Variants in NIBAN1 observed in about 807,000 individuals in gnomAD.
NIBAN1 encodes niban apoptosis regulator 1.
In NIBAN1, 81 loss-of-function variants were observed where a neutral mutation model predicts 75.1. The observed-to-expected ratio is 1.08, with a 90% CI of 0.90 to 1.30. The LOEUF (loss-of-function observed/expected upper bound fraction) is 1.30. NIBAN1 is among the 50% of genes most tolerant of loss of function. NIBAN1 has a pLI of 0.00. For synonymous variants in NIBAN1, 436 were observed against 424.8 expected (o/e 1.03, Z -0.32); for missense variants, 1,133 against 1,128.1 (o/e 1.00, Z -0.06).
chr1:184,829,794 A>G (rs1654948158), intron 6 of NIBAN1, among the ~76,000 whole-genome samples: 1 of 152,124 alleles, frequency 6.6e-6, no homozygotes, highest in Admixed American at 6.6e-5. Context: ...GGCATCATGG[A>G]GGAATGTAAG....
intron 1 of NIBAN1, among the ~76,000 whole-genome samples, chr1:184,916,814 C>A (rs1185108112): frequency 6.6e-6 from 1 of 152,046 alleles, no homozygotes; most frequent in African/African-American, 2.4e-5. Flanking sequence ...CTCGTTTAAA[C>A]CTGCTTATTC....
At chr1:184,944,475 T>G (rs2102054282) in intron 1 of NIBAN1, among the ~76,000 whole-genome samples, 1 of 152,356 alleles carries the variant, frequency 6.6e-6, no homozygotes, top group Non-Finnish European at 1.5e-5. Flanking sequence ...ATTGGGAAAG[T>G]GAACAGCTAA....
chr1:184,851,874 C>T (rs1476637753), intron 5 of NIBAN1, among the ~76,000 whole-genome samples: 2 of 150,246 alleles, frequency 1.3e-5, no homozygotes, highest in Non-Finnish European at 2.9e-5. Context: ...CTCTTATGAC[C>T]ATGGTTGATA....
chr1:184,823,165 A>T lies in NIBAN1; in HGVS notation c.985+2T>A. The T allele has an allele frequency of 6.2e-7, 1 of 1,613,942 alleles. No individual in the cohort carries two copies. The highest frequency in any genetic ancestry group is 8.5e-7 in the Non-Finnish European group (1 of 1,179,922). On this transcript the variant is annotated splice_donor_variant, in intron 8 of 13. Transcript: ENST00000367511. LOFTEE classifies it high-confidence loss of function. ...GTAAGAGCATGGATTATCTCTACTGACCTTTGATCTTTCCAATTAAATAGT... is the reference window on the plus strand; with the variant it reads ...GTAAGAGCATGGATTATCTCTACTGTCCTTTGATCTTTCCAATTAAATAGT...
chr1:184,892,923 C>T (rs1430717409), intron 3 of NIBAN1, among the ~76,000 whole-genome samples: 1 of 152,100 alleles, frequency 6.6e-6, no homozygotes, highest in East Asian at 1.9e-4. Flanking sequence ...AGGCATGCAC[C>T]AGCATGCCCA....
At chr1:184,819,373 A>C (rs186602556) in intron 8 of NIBAN1, among the ~76,000 whole-genome samples, 1 of 152,180 alleles carries the variant, frequency 6.6e-6, no homozygotes, top group Non-Finnish European at 1.5e-5. Flanking sequence ...AAAACAAGAC[A>C]AAACAAAATC....
At chr1:184,885,465 G>A (rs1366140275) in intron 4 of NIBAN1, among the ~76,000 whole-genome samples, 3 of 152,144 alleles carry the variant, frequency 2.0e-5, no homozygotes, top group South Asian at 2.1e-4. Flanking sequence ...ATGAGCCACC[G>A]CGCCCAGCCT....
intron 1 of NIBAN1, among the ~76,000 whole-genome samples, chr1:184,939,329 A>C (rs992408941): frequency 1.3e-5 from 2 of 152,226 alleles, no homozygotes; most frequent in African/African-American, 4.8e-5. Flanking sequence ...AATCTTAGGC[A>C]GAGACAACTG....
chr1:184,811,682 C>A (rs1490080332), intron 9 of NIBAN1, among the ~76,000 whole-genome samples: 4 of 151,864 alleles, frequency 2.6e-5, no homozygotes, highest in Non-Finnish European at 5.9e-5. Context: ...TTAGTAGAGA[C>A]AGGGTTTCAC....
At chr1:184,820,865 C>G (rs1052783176) in intron 8 of NIBAN1, among the ~76,000 whole-genome samples, 1 of 152,216 alleles carries the variant, frequency 6.6e-6, no homozygotes, top group Non-Finnish European at 1.5e-5. Flanking sequence ...TACTATATTA[C>G]AAGTGCTTAC....
intron 5 of NIBAN1, among the ~76,000 whole-genome samples, chr1:184,856,143 A>G (rs1655670393): frequency 6.6e-6 from 1 of 152,178 alleles, no homozygotes; most frequent in African/African-American, 2.4e-5. Flanking sequence ...AGAATGTTCA[A>G]TCATGTTCAC....
At chr1:184,902,278 G>A (rs1656975092) in intron 1 of NIBAN1, among the ~76,000 whole-genome samples, 1 of 152,068 alleles carries the variant, frequency 6.6e-6, no homozygotes, top group Non-Finnish European at 1.5e-5. Context: ...ATACCACTGT[G>A]GTTAGGAATC....
intron 1 of NIBAN1, among the ~76,000 whole-genome samples, chr1:184,909,934 C>T (rs534956951): frequency 3.2e-4 from 48 of 152,188 alleles, no homozygotes; most frequent in African/African-American, 1.2e-3. Context: ...GAAAAATTAC[C>T]CCCAAAGCTA....
In NIBAN1 at chr1:184,899,254, A is replaced by C. The variant is rs182146956; in HGVS notation, c.111T>G (p.Ser37=). Residue 37 remains serine (S), a synonymous_variant, in exon 2 of 14, where the codon TCT becomes TCG. Coordinates refer to ENST00000367511, the MANE Select transcript of NIBAN1 (RefSeq NM_052966.4). ...TGCGCACGTGATTGCAGAAAGCCAC[A>C]GAGTACTGACGACTGTAGTAGGGAC... ...NFSPYYSRQY[S]VAFCNHVRTE... 253 of 1,613,840 alleles carry C rather than the reference A, an allele frequency of 1.6e-4. No individual in the cohort carries two copies. The highest frequency in any genetic ancestry group is 2.0e-4 in the Non-Finnish European group (235 of 1,179,858).
At chr1:184,856,767 G>C (rs1031416228) in intron 5 of NIBAN1, among the ~76,000 whole-genome samples, 10 of 152,170 alleles carry the variant, frequency 6.6e-5, no homozygotes, top group Non-Finnish European at 1.3e-4. Flanking sequence ...TTGGATCCCC[G>C]GCACTCTGAA....
intron 9 of NIBAN1, among the ~76,000 whole-genome samples, chr1:184,815,785 G>A (rs906050096): frequency 6.6e-5 from 10 of 152,064 alleles, no homozygotes; most frequent in South Asian, 6.2e-4. Flanking sequence ...TTCTTAATCC[G>A]CATCATGGAT....
chr1:184,823,808 C>G, intron 6 of NIBAN1, 66 bp from the exon 7 acceptor site: 1 of 1,363,396 alleles, frequency 7.3e-7, no homozygotes, highest in Non-Finnish European at 1.0e-6. Context: ...ATCAGGCCAA[C>G]TAAAAATGTC....
In NIBAN1 at chr1:184,939,175, G is replaced by A. The variant is rs541021734; in HGVS notation, c.55+35127C>T. On this transcript the variant is annotated intron_variant, in intron 1 of 13. Coordinates refer to ENST00000367511, the MANE Select transcript of NIBAN1 (RefSeq NM_052966.4). ...ATTATAAAGAACACAGTTTGGTGCT[G>A]ACACAAAGGTGAGATACAGCATATT... is the stretch of plus-strand genomic sequence containing the variant. Among the ~76,000 whole-genome samples the A allele has an allele frequency of 2.0e-5, 3 of 152,354 alleles. No homozygotes were observed. In the South Asian group the frequency reaches 6.2e-4, roughly 32 times the overall value.
chr1:184,906,059 G>A (rs1657093710), intron 1 of NIBAN1, among the ~76,000 whole-genome samples: 1 of 150,872 alleles, frequency 6.6e-6, no homozygotes, highest in Non-Finnish European at 1.5e-5. Context: ...ACAACATAGA[G>A]AGACCTTGAC....
Sources: gnomAD v4.1 joint callset for allele counts (sites outside exome capture counted in the v4.1 genomes callset) on GRCh38, gnomAD v4.1.1 for gene constraint, MANE v1.5 for transcripts, NCBI Gene and HGNC (gene_info 2026-07-23, HGNC 2026-07-21) for gene names.